Variants in TYW1 observed in about 807,000 individuals in gnomAD.
The protein encoded by TYW1 is S-adenosyl-L-methionine-dependent tRNA 4-demethylwyosine synthase TYW1.
TYW1 carries 46 observed loss-of-function variants against 96.2 expected under a neutral mutation model. The observed-to-expected ratio is 0.48, with a 90% CI of 0.38 to 0.61. The LOEUF is 0.61. TYW1 is among the 20% of genes least tolerant of loss of function. The probability of loss-of-function intolerance (pLI) is 0.00; values close to 1 mark genes in which losing one functional copy is unlikely to be tolerated. For synonymous variants in TYW1, 274 were observed against 323.0 expected (o/e 0.85, Z 1.63); for missense variants, 684 against 909.6 (o/e 0.75, Z 3.19).
At chr7:67,058,156 A>C (rs1243912809) in intron 9 of TYW1, among the ~76,000 whole-genome samples, 1 of 151,526 alleles carries the variant, frequency 6.6e-6, no homozygotes, top group Non-Finnish European at 1.5e-5. Context: ...GGATGGTCTC[A>C]ATCTCCTGAC....
chr7:67,124,498 T>C (rs1384899443), intron 13 of TYW1, among the ~76,000 whole-genome samples: 1 of 152,160 alleles, frequency 6.6e-6, no homozygotes. Context: ...CCCAAAATGC[T>C]GGAATTACAG....
intron 7 of TYW1, among the ~76,000 whole-genome samples, chr7:67,027,385 T>A (rs998633970): frequency 2.1e-4 from 31 of 150,712 alleles, no homozygotes; most frequent in Admixed American, 1.8e-3. Context: ...ATAAAAAAAA[T>A]TAAATTTATG....
chr7:67,027,882 A>G (rs1410563259), intron 7 of TYW1, among the ~76,000 whole-genome samples: 9 of 149,028 alleles, frequency 6.0e-5, no homozygotes, highest in Non-Finnish European at 1.2e-4. Flanking sequence ...GTGAGCAGAG[A>G]TCGCGCCACT....
At chr7:67,092,009 C>T (rs763820469) in intron 11 of TYW1, among the ~76,000 whole-genome samples, 84 of 152,334 alleles carry the variant, frequency 5.5e-4, no homozygotes, top group Non-Finnish European at 1.0e-3. Context: ...CCCTCTTCCT[C>T]TCCCCAGAAC....
chr7:67,129,210 C>A (rs1203042425), intron 13 of TYW1, among the ~76,000 whole-genome samples: 5 of 152,162 alleles, frequency 3.3e-5, no homozygotes, highest in Non-Finnish European at 7.3e-5. Flanking sequence ...CTGGTTAAAT[C>A]GTTTCTCCTG....
intron 13 of TYW1, among the ~76,000 whole-genome samples, chr7:67,132,612 A>G (rs1182799346): frequency 1.3e-5 from 2 of 152,166 alleles, no homozygotes; most frequent in African/African-American, 4.8e-5. Flanking sequence ...TATCATGTAC[A>G]TTCATATTAT....
At chr7:67,194,251 A>G (rs1330558577) in intron 14 of TYW1, among the ~76,000 whole-genome samples, 2 of 152,062 alleles carry the variant, frequency 1.3e-5, no homozygotes, top group African/African-American at 4.8e-5. Flanking sequence ...GTATATAGGT[A>G]CATGCACAAA....
At chr7:67,101,194 G>A (rs959217342) in intron 12 of TYW1, among the ~76,000 whole-genome samples, 82 of 152,270 alleles carry the variant, frequency 5.4e-4, no homozygotes, top group African/African-American at 1.9e-3. Context: ...AAGGCCCACT[G>A]TTTTACTGGG....
intron 14 of TYW1, among the ~76,000 whole-genome samples, chr7:67,194,439 A>G (rs1445903344): frequency 6.6e-6 from 1 of 151,914 alleles, no homozygotes; most frequent in African/African-American, 2.4e-5. Flanking sequence ...AGCCTGGTCA[A>G]CATGGCGAAA....
At chr7:67,115,889 G>T (rs1426221325) in intron 12 of TYW1, among the ~76,000 whole-genome samples, 1 of 152,200 alleles carries the variant, frequency 6.6e-6, no homozygotes. Context: ...GGAATAAATT[G>T]TGGAATCCTT....
rs183919364 is a variant in TYW1 at position 67,108,995 on chromosome 7, C to T, written c.1563-8488C>T. Among the ~76,000 whole-genome samples, 11 of 151,810 alleles carry T rather than the reference C, an allele frequency of 7.2e-5. No homozygotes were observed. The East Asian group carries it at 2.0e-3, about 27-fold the overall frequency. ...AAAATAGAAAATATACTGATGAGGCCGGGTGCGGTGGCTCACGCCTGTAAT... is the reference window on the plus strand; with the variant it reads ...AAAATAGAAAATATACTGATGAGGCTGGGTGCGGTGGCTCACGCCTGTAAT... On this transcript the variant is annotated intron_variant, in intron 12 of 15. Coordinates refer to ENST00000359626, the MANE Select transcript of TYW1 (RefSeq NM_018264.4).
At position 67,239,503 on chromosome 7, in the gene TYW1, C is replaced by T; in HGVS notation, c.*974C>T. ...GCAAAAATTGAATTAATAAAATAATCTTTTGTAAAGACTTGCAGCATGAGT... is the reference window on the plus strand; with the variant it reads ...GCAAAAATTGAATTAATAAAATAATTTTTTGTAAAGACTTGCAGCATGAGT... On this transcript the variant is annotated 3_prime_UTR_variant, in exon 16 of 16. Coordinates refer to ENST00000359626, the MANE Select transcript of TYW1 (RefSeq NM_018264.4). The T allele has an allele frequency of 1.3e-6, 1 of 771,950 alleles. No homozygotes were observed. The highest frequency in any genetic ancestry group is 1.6e-6 in the Non-Finnish European group (1 of 635,656). 47.8% of individuals were successfully genotyped at this position (771,950 alleles called of 1,614,324 possible). A position where few individuals can be genotyped will look rare whatever the true frequency, so the allele number is the denominator to read the frequency against.
intron 13 of TYW1, among the ~76,000 whole-genome samples, chr7:67,154,888 T>A (rs544516020): frequency 6.6e-5 from 10 of 152,228 alleles, no homozygotes; most frequent in Admixed American, 1.3e-4. Flanking sequence ...TTATCTTTTT[T>A]AAAAAAAATC....
At chr7:67,129,783 C>G (rs1455180752) in intron 13 of TYW1, among the ~76,000 whole-genome samples, 3 of 152,182 alleles carry the variant, frequency 2.0e-5, no homozygotes, top group Non-Finnish European at 4.4e-5. Context: ...TTTGTGAATT[C>G]TCCTTTTAGT....
chr7:67,061,438 C>G (rs1270248545), intron 9 of TYW1, among the ~76,000 whole-genome samples: 1 of 152,172 alleles, frequency 6.6e-6, no homozygotes, highest in African/African-American at 2.4e-5. Flanking sequence ...TTTCTTCCCA[C>G]ATTGATCACA....
At chr7:67,073,966 C>T (rs1022145226) in intron 10 of TYW1, among the ~76,000 whole-genome samples, 1 of 150,112 alleles carries the variant, frequency 6.7e-6, no homozygotes, top group African/African-American at 2.5e-5. Context: ...CCTGTAGTCC[C>T]AGCTACTCGG....
Position 67,009,571 on chromosome 7 carries a change from T to G in TYW1, c.274-12T>G, listed in dbSNP as rs756148035. 3.7e-6 allele frequency: 6 copies of G among 1,607,300 alleles called. No individual in the cohort carries two copies. Among genetic ancestry groups the G allele is most frequent in the Non-Finnish European group, 5.1e-6 (6 of 1,178,300 alleles). On this transcript the variant is annotated splice_polypyrimidine_tract_variant and intron_variant, in intron 3 of 15. Transcript: ENST00000359626. ...TGAAGACTTTATTTGATGTTTTTTTTGGTCCTATTAGGGATTCGCAACAGT... is the reference window on the plus strand; with the variant it reads ...TGAAGACTTTATTTGATGTTTTTTTGGGTCCTATTAGGGATTCGCAACAGT...
At chr7:67,034,112 T>A (rs1180088218) in intron 7 of TYW1, among the ~76,000 whole-genome samples, 8 of 150,330 alleles carry the variant, frequency 5.3e-5, no homozygotes, top group Non-Finnish European at 1.0e-4. Flanking sequence ...TTATTTTATT[T>A]TTTTTTTTTG....
At position 67,002,167 on chromosome 7, in the gene TYW1, C is replaced by T. The variant is rs1793418004; in HGVS notation, c.273+3213C>T. 2.6e-5 allele frequency among the ~76,000 whole-genome samples: 4 copies of T among 151,410 alleles called. 1 individual carries two copies. Among genetic ancestry groups the T allele is most frequent in the African/African-American group, 9.7e-5 (4 of 41,352 alleles). Reference sequence around the variant, plus strand: ...GGCTCCAGCGATTCTCCTGACCCACCCTCCTGGGTAGATGGGAATATGGGC... The same window carrying T: ...GGCTCCAGCGATTCTCCTGACCCACTCTCCTGGGTAGATGGGAATATGGGC... On this transcript the variant is annotated intron_variant, in intron 3 of 15. Transcript: ENST00000359626.
Sources: gnomAD v4.1 joint callset for allele counts (sites outside exome capture counted in the v4.1 genomes callset) on GRCh38, gnomAD v4.1.1 for gene constraint, MANE v1.5 for transcripts, NCBI Gene and HGNC (gene_info 2026-07-23, HGNC 2026-07-21) for gene names.